Variants in ANKRD17 observed in about 807,000 individuals in gnomAD.
ANKRD17 encodes the protein ankyrin repeat domain-containing protein 17.
In ANKRD17, 19 loss-of-function variants were observed where a neutral mutation model predicts 229.7. The ratio of observed to expected loss-of-function variants is 0.08; its 90% CI spans 0.06 to 0.12. The LOEUF (loss-of-function observed/expected upper bound fraction) is 0.12, where lower values mean the gene tolerates loss of function less well. Among genes scored for constraint, ANKRD17 ranks in the 10% least tolerant of loss-of-function variants. ANKRD17 has a pLI of 1.00. For synonymous variants in ANKRD17, 1,112 were observed against 1,146.1 expected, an observed-to-expected ratio of 0.97 and a Z score of 0.60; for missense variants, 2,176 against 3,176.8, an observed-to-expected ratio of 0.68 and a Z score of 7.57.
At position 73,091,749 on chromosome 4, in the gene ANKRD17, T is replaced by A. The variant is rs775271719; in HGVS notation, c.5879A>T (p.Asn1960Ile). Residue 1960 changes from asparagine (N) to isoleucine (I), a missense_variant, in exon 29 of 34, where the codon AAT becomes ATT. Asn to Ile is a moderately radical substitution (Grantham distance 149, BLOSUM62 -3). This residue lies in a region of ANKRD17 where 424 missense variants were observed against 454.0 expected (regional missense o/e 0.93). Transcript: ENST00000358602. ...SNQNSSGSQV[N>I]SAGSLTSSPT... ...GCTTGAAGTTAAAGAACCTGCTGAA[T>A]TCACCTGAGAACCACTGCTATTCTG... The A allele has an allele frequency of 6.2e-7, 1 of 1,614,062 alleles. No individual in the cohort carries two copies. The highest frequency in any genetic ancestry group is 8.5e-7 in the Non-Finnish European group (1 of 1,180,032).
chr4:73,156,686 TC>T (rs1450532133), intron 3 of ANKRD17, among the ~76,000 whole-genome samples: 1 of 152,066 alleles, frequency 6.6e-6, no homozygotes, highest in Non-Finnish European at 1.5e-5. Context: ...CCTCTCTCTC[TC>T]CTGCTGTGCC....
chr4:73,250,773 C>G (rs1483664504), intron 1 of ANKRD17, among the ~76,000 whole-genome samples: 4 of 151,586 alleles, frequency 2.6e-5, no homozygotes, highest in African/African-American at 9.7e-5. Flanking sequence ...AGGGCGCGAT[C>G]TCTGCTCACT....
At chr4:73,182,822 C>T (rs1175738097) in intron 1 of ANKRD17, among the ~76,000 whole-genome samples, 1 of 152,150 alleles carries the variant, frequency 6.6e-6, no homozygotes, top group African/African-American at 2.4e-5. Context: ...CCAGATAATT[C>T]TTTGTTGTTT....
At chr4:73,096,402 T>TA (rs1259258777) in intron 27 of ANKRD17, among the ~76,000 whole-genome samples, 1 of 152,064 alleles carries the variant, frequency 6.6e-6, no homozygotes, top group African/African-American at 2.4e-5. Flanking sequence ...GAGACAGAAA[T>TA]AAACATAGGT....
Position 73,076,925 on chromosome 4 carries a change from A to C in ANKRD17, c.7752+15T>G. On this transcript the variant is annotated intron_variant, in intron 33 of 33. Coordinates refer to ENST00000358602, the MANE Select transcript of ANKRD17 (RefSeq NM_032217.5). ...ACACAAAACAACTGTTTATTCACTG[A>C]ATGATCAGCCTCACCGTTTGAGGGC... 3 of 1,599,838 alleles carry C rather than the reference A, an allele frequency of 1.9e-6. No homozygotes were observed. In the South Asian group the frequency reaches 3.4e-5, roughly 18 times the overall value.
chr4:73,170,634 G>A (rs1293913542), intron 2 of ANKRD17, among the ~76,000 whole-genome samples: 2 of 151,952 alleles, frequency 1.3e-5, no homozygotes, highest in African/African-American at 2.4e-5. Flanking sequence ...CTGGGAGAGA[G>A]GGGGCCCACT....
At chr4:73,227,810 A>C (rs1400289190) in intron 1 of ANKRD17, among the ~76,000 whole-genome samples, 2 of 152,142 alleles carry the variant, frequency 1.3e-5, no homozygotes, top group Non-Finnish European at 2.9e-5. Flanking sequence ...TCAAAACAAA[A>C]AAATATGTAG....
intron 1 of ANKRD17, among the ~76,000 whole-genome samples, chr4:73,186,969 C>CAA: frequency 6.6e-6 from 1 of 152,104 alleles, no homozygotes; most frequent in South Asian, 2.1e-4. Flanking sequence ...CACAGATACA[C>CAA]ACACACACAT....
At chr4:73,147,757 A>G (rs1220343952) in intron 8 of ANKRD17, among the ~76,000 whole-genome samples, 1 of 151,862 alleles carries the variant, frequency 6.6e-6, no homozygotes, top group African/African-American at 2.4e-5. Flanking sequence ...TACTGGTGAT[A>G]ATGATGATGA....
At chr4:73,224,731 G>T (rs1308204797) in intron 1 of ANKRD17, among the ~76,000 whole-genome samples, 1 of 151,854 alleles carries the variant, frequency 6.6e-6, no homozygotes, top group African/African-American at 2.4e-5. Context: ...CCCATTTTAC[G>T]TATGTGGAAA....
intron 1 of ANKRD17, among the ~76,000 whole-genome samples, chr4:73,245,960 TTAAG>T (rs1343093808): frequency 1.3e-5 from 2 of 152,192 alleles, no homozygotes; most frequent in African/African-American, 2.4e-5. Flanking sequence ...CACTTGAACT[TTAAG>T]TAACCCTACC....
intron 1 of ANKRD17, among the ~76,000 whole-genome samples, chr4:73,232,404 T>A (rs1170984122): frequency 6.6e-6 from 1 of 152,166 alleles, no homozygotes; most frequent in African/African-American, 2.4e-5. Flanking sequence ...GCCTCAGAAT[T>A]TTCCAATTTT....
intron 20 of ANKRD17, 46 bp downstream of exon 20, chr4:73,120,835 A>C (rs781622567): frequency 1.9e-5 from 30 of 1,546,038 alleles, no homozygotes; most frequent in Middle Eastern, 3.4e-4. Context: ...TATATCTTAA[A>C]TATCAAAGCA....
intron 1 of ANKRD17, among the ~76,000 whole-genome samples, chr4:73,216,299 CTTTAAT>C (rs1274046728): frequency 6.6e-6 from 1 of 151,744 alleles, no homozygotes. Context: ...TTTCTTTCAA[CTTTAAT>C]TTTAATTTTC....
At position 73,217,844 on chromosome 4, in the gene ANKRD17, T is replaced by C. The variant is rs150244263; in HGVS notation, c.394-40311A>G. The stretch of plus-strand genomic sequence containing the variant: ...ATATATAAAACATAAGTAAATCTCA[T>C]GTGGGTCCCATCCCCAAGTTATCTT... On this transcript the variant is annotated intron_variant, in intron 1 of 33. Coordinates refer to ENST00000358602, the MANE Select transcript of ANKRD17 (RefSeq NM_032217.5). Among the ~76,000 whole-genome samples, 46 of 152,322 alleles carry C rather than the reference T, an allele frequency of 3.0e-4. No homozygotes were observed. The East Asian group carries it at 8.7e-3, about 29-fold the overall frequency.
intron 11 of ANKRD17, among the ~76,000 whole-genome samples, chr4:73,144,135 T>C (rs1225042354): frequency 2.6e-5 from 4 of 152,224 alleles, no homozygotes; most frequent in African/African-American, 9.6e-5. Flanking sequence ...CTGTCTCAAC[T>C]AGAACTTTCC....
intron 1 of ANKRD17, among the ~76,000 whole-genome samples, chr4:73,213,841 A>G (rs1336050344): frequency 6.6e-6 from 1 of 152,190 alleles, no homozygotes; most frequent in Admixed American, 6.5e-5. Context: ...TTCATAGACT[A>G]TATAAAATAA....
chr4:73,197,218 G>A (rs965047252), intron 1 of ANKRD17, among the ~76,000 whole-genome samples: 2 of 152,042 alleles, frequency 1.3e-5, no homozygotes, highest in African/African-American at 2.4e-5. Context: ...CACCACTGAA[G>A]TCTTATATTC....
intron 1 of ANKRD17, among the ~76,000 whole-genome samples, chr4:73,199,221 CTGTGTGTGTGTG>C (rs10577503): frequency 4.0e-4 from 56 of 140,470 alleles, no homozygotes; most frequent in African/African-American, 1.3e-3. Flanking sequence ...TACAGTTTGG[CTGTGTGTGTGTG>C]TGTGTGTGTG....
Sources: gnomAD v4.1 joint callset for allele counts (sites outside exome capture counted in the v4.1 genomes callset) on GRCh38, gnomAD v4.1.1 for gene constraint, gnomAD v4.1.1 regional missense constraint, MANE v1.5 for transcripts, NCBI Gene and HGNC (gene_info 2026-07-23, HGNC 2026-07-21) for gene names.